Variants in EPB41L5 observed in about 807,000 individuals in gnomAD.
The protein encoded by EPB41L5 is band 4.1-like protein 5.
Under a neutral mutation model 106.6 loss-of-function variants are expected in EPB41L5, and 55 were observed. The observed-to-expected ratio is 0.52, with a 90% CI of 0.42 to 0.65. EPB41L5 has a LOEUF of 0.65. Among genes scored for constraint, EPB41L5 ranks in the 30% least tolerant of loss-of-function variants. The pLI is 0.00. For missense variants in EPB41L5, 871 were observed against 882.1 expected, an observed-to-expected ratio of 0.99 and a Z score of 0.16; for synonymous variants, 297 against 306.7, an observed-to-expected ratio of 0.97 and a Z score of 0.33.
chr2:120,160,884 T>C lies in EPB41L5; in HGVS notation c.1797T>C (p.Ala599=). Residue 599 remains alanine (A), a synonymous_variant, in exon 21 of 25, where the codon GCT becomes GCC. Transcript: ENST00000263713. Reference sequence around the variant, plus strand: ...GAATTTATCTTTTTCTTCCTAGTGCTGTGTTAAATGAGAATAATGTGCCCC... The same window carrying C: ...GAATTTATCTTTTTCTTCCTAGTGCCGTGTTAAATGAGAATAATGTGCCCC... ...ANVQDAATNS[A]VLNENNVPLP... is the part of the protein sequence containing the mutation. 6.2e-7 allele frequency: 1 copy of C among 1,610,166 alleles called. No homozygotes were observed. Among genetic ancestry groups the C allele is most frequent in the Non-Finnish European group, 8.5e-7 (1 of 1,176,454 alleles).
chr2:120,018,897 A>C (rs542898199), intron 1 of EPB41L5, among the ~76,000 whole-genome samples, 180 bp from the exon 2 acceptor site: 1 of 152,210 alleles, frequency 6.6e-6, no homozygotes, highest in East Asian at 1.9e-4. Flanking sequence ...CCTTCTGCCT[A>C]GGCCTCCCGA....
chr2:120,015,920 A>C (rs549964664), intron 1 of EPB41L5, among the ~76,000 whole-genome samples: 2 of 152,094 alleles, frequency 1.3e-5, no homozygotes, highest in Non-Finnish European at 1.5e-5. Flanking sequence ...AAAAAAAAAA[A>C]AAAAAACATA....
intron 23 of EPB41L5, 28 bp downstream of exon 23, chr2:120,167,535 T>G: frequency 1.2e-6 from 2 of 1,611,834 alleles, no homozygotes; most frequent in Non-Finnish European, 1.7e-6. Context: ...GTGATTTTTC[T>G]TCTGGCTACC....
chr2:120,100,339 C>T, intron 15 of EPB41L5, 53 bp downstream of exon 15: 1 of 1,514,804 alleles, frequency 6.6e-7, no homozygotes, highest in Non-Finnish European at 9.2e-7. Context: ...ATTATGGTAA[C>T]AGTAGTAGTA....
chr2:120,040,569 G>T (rs1489202749), intron 2 of EPB41L5, among the ~76,000 whole-genome samples: 1 of 152,174 alleles, frequency 6.6e-6, no homozygotes, highest in Non-Finnish European at 1.5e-5. Context: ...TTTGGAGAAA[G>T]AACTCAAATG....
At position 120,051,450 on chromosome 2, in the gene EPB41L5, G is replaced by A. The variant is rs1024910183; in HGVS notation, c.285+9340G>A. ...AGGATCTGTGAGCGTGGGACCCTCC[G>A]AGCCAGGCACAGGATATAATTTCCT... On this transcript the variant is annotated intron_variant, in intron 3 of 24. Transcript: ENST00000263713. Among the ~76,000 whole-genome samples, 8 of 152,320 alleles carry A rather than the reference G, an allele frequency of 5.3e-5. No homozygotes were observed. The East Asian group carries it at 5.8e-4, about 11-fold the overall frequency.
At chr2:120,140,720 A>G (rs72841638) in intron 18 of EPB41L5, among the ~76,000 whole-genome samples, 6,943 of 152,162 alleles carry the variant, frequency 0.046, 227 homozygotes, top group Non-Finnish European at 0.071. Context: ...CTGAAAAAAT[A>G]CAAAATCTGA....
chr2:120,087,392 G>A (rs1683128153), intron 11 of EPB41L5, 152 bp downstream of exon 11: 1 of 491,882 alleles, frequency 2.0e-6, no homozygotes. Context: ...CCTTACTTGG[G>A]TCATACCATG....
chr2:120,167,507 G>A lies in EPB41L5; in HGVS notation c.2004G>A (p.Pro668=), dbSNP rs200801979. The change falls in exon 23 of 25, where the codon CCG becomes CCA. Residue 668 remains proline (P), a splice_region_variant and synonymous_variant. Coordinates refer to ENST00000263713, the MANE Select transcript of EPB41L5 (RefSeq NM_020909.4). The part of the protein sequence containing the change: ...TSMITPRWIV[P]QSGAMSNGLA... ...TGATCACACCCCGGTGGATTGTTCC[G>A]GTAAGTTCATGTTATTTGTGATTTT... 122 of 1,613,528 alleles carry A rather than the reference G, an allele frequency of 7.6e-5. No homozygotes were observed. The highest frequency in any genetic ancestry group is 1.6e-4 in the African/African-American group (12 of 74,904).
chr2:120,095,913 G>T (rs1021613960), intron 14 of EPB41L5, among the ~76,000 whole-genome samples: 2 of 151,990 alleles, frequency 1.3e-5, no homozygotes, highest in Admixed American at 6.6e-5. Context: ...CATGTGATCC[G>T]CCTGTCTCGG....
chr2:120,040,701 A>G (rs1679350580), intron 2 of EPB41L5, among the ~76,000 whole-genome samples: 1 of 152,238 alleles, frequency 6.6e-6, no homozygotes, highest in Non-Finnish European at 1.5e-5. Flanking sequence ...ATAAAAAAGA[A>G]TAAATAGAAG....
chr2:120,052,106 T>TG (rs1330225968), intron 3 of EPB41L5, among the ~76,000 whole-genome samples: 1 of 152,248 alleles, frequency 6.6e-6, no homozygotes, highest in Non-Finnish European at 1.5e-5. Context: ...ACTACAGGTG[T>TG]GAGCCACTGC....
intron 20 of EPB41L5, among the ~76,000 whole-genome samples, chr2:120,153,600 A>C (rs1435705541): frequency 6.6e-6 from 1 of 152,172 alleles, no homozygotes; most frequent in Admixed American, 6.5e-5. Context: ...TTAAATATCA[A>C]GTTACTATTA....
chr2:120,153,050 T>G (rs1686746609), intron 20 of EPB41L5, among the ~76,000 whole-genome samples: 2 of 152,182 alleles, frequency 1.3e-5, no homozygotes, highest in African/African-American at 4.8e-5. Flanking sequence ...ATTTAAGTTT[T>G]TCTTAAGTTC....
intron 16 of EPB41L5, among the ~76,000 whole-genome samples, chr2:120,123,922 T>C (rs528848028): frequency 1.2e-4 from 18 of 152,248 alleles, no homozygotes; most frequent in African/African-American, 4.3e-4. Context: ...CCTCCCAAAG[T>C]GCCTGGATTA....
intron 20 of EPB41L5, among the ~76,000 whole-genome samples, chr2:120,157,629 C>T (rs1054427068): frequency 1.3e-5 from 2 of 151,732 alleles, no homozygotes; most frequent in South Asian, 2.1e-4. Context: ...ATTAGCTGGG[C>T]GGGGTGGCGC....
At chr2:120,117,397 TCA>T (rs1310611132) in intron 16 of EPB41L5, among the ~76,000 whole-genome samples, 4 of 152,368 alleles carry the variant, frequency 2.6e-5, no homozygotes, top group Admixed American at 1.3e-4. Flanking sequence ...GTATTGCACT[TCA>T]AATTTACTTG....
At chr2:120,139,452 TA>T (rs1464673287) in intron 18 of EPB41L5, among the ~76,000 whole-genome samples, 9 of 152,012 alleles carry the variant, frequency 5.9e-5, no homozygotes, top group Non-Finnish European at 1.3e-4. Context: ...ATAACCAGAA[TA>T]TATAAAGAGC....
chr2:120,132,528 C>T (rs376299943), intron 18 of EPB41L5, among the ~76,000 whole-genome samples: 4 of 152,314 alleles, frequency 2.6e-5, no homozygotes, highest in East Asian at 1.9e-4. Flanking sequence ...TCTTCTGTCT[C>T]GCACTCGCAC....
Sources: allele counts gnomAD v4.1 joint callset (sites outside exome capture counted in the v4.1 genomes callset), GRCh38; gene constraint gnomAD v4.1.1; transcripts MANE v1.5; gene names NCBI Gene and HGNC (gene_info 2026-07-23, HGNC 2026-07-21).